Variants in NVL observed in about 807,000 individuals in gnomAD.
NVL encodes the protein nuclear VCP like.
A neutral mutation model predicts 110.2 loss-of-function variants in NVL; 84 were observed. The observed-to-expected ratio is 0.76, with a 90% CI of 0.64 to 0.91. The LOEUF is 0.91. Ranked by LOEUF, NVL falls within the 40% of genes least tolerant of loss-of-function variation. The pLI is 0.00. For synonymous variants in NVL, 354 were observed against 361.1 expected (o/e 0.98, Z 0.22); for missense variants, 882 against 1,035.9 (o/e 0.85, Z 2.04).
At chr1:224,231,181 A>G in intron 22 of NVL, 45 bp downstream of exon 22, 1 of 1,378,724 alleles carries the variant, frequency 7.3e-7, no homozygotes, top group Non-Finnish European at 1.0e-6. Flanking sequence ...CTACTGGTCT[A>G]AAATTCTAGT....
At chr1:224,233,068 T>C (rs1660071382) in intron 21 of NVL, 133 bp downstream of exon 21, 4 of 678,490 alleles carry the variant, frequency 5.9e-6, no homozygotes, top group Non-Finnish European at 9.7e-6. Flanking sequence ...TCAGAACAGC[T>C]TCTAACAGTC....
intron 18 of NVL, among the ~76,000 whole-genome samples, chr1:224,260,491 C>T (rs758252860): frequency 3.3e-5 from 5 of 151,776 alleles, no homozygotes; most frequent in Admixed American, 6.6e-5. Flanking sequence ...CTCCTAACCT[C>T]GTGATGTGTC....
chr1:224,325,332 G>A (rs1212618618), intron 2 of NVL, among the ~76,000 whole-genome samples: 1 of 151,818 alleles, frequency 6.6e-6, no homozygotes, highest in East Asian at 1.9e-4. Context: ...AGCACTTAGG[G>A]AGGCGAAGGT....
At chr1:224,275,991 T>C (rs1471731808) in intron 16 of NVL, among the ~76,000 whole-genome samples, 2 of 152,234 alleles carry the variant, frequency 1.3e-5, no homozygotes, top group Admixed American at 1.3e-4. Flanking sequence ...GCTTACTCTA[T>C]GTTGAAATCT....
rs914522208 is a variant in NVL at position 224,296,374 on chromosome 1, C to A, written c.1180+127G>T. ...GGATTACAGGCATGAGCCACTGTGC[C>A]CAGTATGACTTTTTTTTTACACTAT... On this transcript the variant is annotated intron_variant, in intron 11 of 22. Coordinates refer to ENST00000281701, the MANE Select transcript of NVL (RefSeq NM_002533.4). The A allele has an allele frequency of 1.5e-5, 8 of 536,430 alleles. No individual in the cohort carries two copies. In the African/African-American group the frequency reaches 1.5e-4, roughly 10 times the overall value. The allele number at this position is 536,430 out of a possible 1,614,324, so 33.2% of individuals were successfully genotyped here.
intron 2 of NVL, among the ~76,000 whole-genome samples, chr1:224,321,306 G>A (rs371262674): frequency 6.6e-6 from 1 of 152,106 alleles, no homozygotes; most frequent in Non-Finnish European, 1.5e-5. Flanking sequence ...ACGTAAAAGC[G>A]ATTCTTCACT....
chr1:224,308,205 G>A lies in NVL; in HGVS notation c.401C>T (p.Ser134Phe). Reference protein sequence around the residue: ...LSLYRKGNPDSVSNTPEMEQR... With the variant: ...LSLYRKGNPDFVSNTPEMEQR... Reference sequence around the variant, plus strand: ...CTCCATCTCAGGAGTATTTGAAACAGAATCAGGATTTCCTTTCCGATATAA... The same window carrying A: ...CTCCATCTCAGGAGTATTTGAAACAAAATCAGGATTTCCTTTCCGATATAA... The change falls in exon 6 of 23, where the codon TCT becomes TTT. Residue 134 changes from serine (S) to phenylalanine (F), a missense_variant. This residue lies in a region of NVL where 274 missense variants were observed against 268.4 expected (regional missense o/e 1.02). Coordinates refer to ENST00000281701, the MANE Select transcript of NVL (RefSeq NM_002533.4). The A allele has an allele frequency of 6.2e-7, 1 of 1,613,594 alleles. No homozygotes were observed. The highest frequency in any genetic ancestry group is 8.5e-7 in the Non-Finnish European group (1 of 1,179,870).
At position 224,308,015 on chromosome 1, in the gene NVL, AG is replaced by A. The variant is rs1572026158; in HGVS notation, c.590del (p.Pro197LeufsTer5). The A allele has an allele frequency of 2.6e-6, 4 of 1,541,100 alleles. No individual in the cohort carries two copies. In the East Asian group the frequency reaches 9.1e-5, roughly 35 times the overall value. ...FLDLSCEKSN[P>X]KKPITEIQDS... The stretch of plus-strand genomic sequence containing the variant: ...CCTGTATCTCAGTTATTGGCTTCTT[AG>A]GATTACTTTTCTCACATGACAGGTC... On this transcript the variant is annotated frameshift_variant, in exon 6 of 23. Transcript: ENST00000281701. LOFTEE classifies it high-confidence loss of function.
chr1:224,315,845 T>C (rs1670008024), intron 4 of NVL, among the ~76,000 whole-genome samples: 4 of 152,218 alleles, frequency 2.6e-5, no homozygotes, highest in Admixed American at 6.5e-5. Context: ...TAAATGTTCA[T>C]AGCAGCTTAA....
At chr1:224,318,905 C>T (rs1355123189) in intron 2 of NVL, among the ~76,000 whole-genome samples, 3 of 151,040 alleles carry the variant, frequency 2.0e-5, no homozygotes, top group African/African-American at 4.9e-5. Context: ...AACAGAATGG[C>T]GTGAACCCAG....
intron 2 of NVL, among the ~76,000 whole-genome samples, chr1:224,322,907 T>C (rs533750952): frequency 1.3e-5 from 2 of 152,008 alleles, no homozygotes; most frequent in East Asian, 1.9e-4. Context: ...TGAGCTGAGA[T>C]TGCGCCACTG....
At chr1:224,259,422 G>A (rs1663691044) in intron 18 of NVL, among the ~76,000 whole-genome samples, 2 of 152,042 alleles carry the variant, frequency 1.3e-5, no homozygotes, top group South Asian at 4.2e-4. Context: ...TAGATTGTTG[G>A]GATGGCTGTA....
At chr1:224,265,668 T>C (rs1233134013) in intron 18 of NVL, among the ~76,000 whole-genome samples, 1 of 152,144 alleles carries the variant, frequency 6.6e-6, no homozygotes, top group African/African-American at 2.4e-5. Context: ...AAAACAGTGT[T>C]GAGATGTGGG....
At chr1:224,311,885 A>C (rs750397126) in intron 4 of NVL, 28 bp from the exon 5 acceptor site, 1 of 1,563,160 alleles carries the variant, frequency 6.4e-7, no homozygotes, top group Non-Finnish European at 8.8e-7. Context: ...AAAATGTTTT[A>C]AAGACTTTCT....
rs1033358624 is a variant in NVL at position 224,276,042 on chromosome 1, G to C, written c.1963-584C>G. Among the ~76,000 whole-genome samples, 5 of 152,206 alleles carry C rather than the reference G, an allele frequency of 3.3e-5. 1 individual carries two copies. The East Asian group carries it at 9.7e-4, about 29-fold the overall frequency. On this transcript the variant is annotated intron_variant, in intron 16 of 22. Transcript: ENST00000281701. ...ACATTAAGATAAGTCAAGAAATATAGCAATTCACAAGCAACTATAACATTA... is the reference window on the plus strand; with the variant it reads ...ACATTAAGATAAGTCAAGAAATATACCAATTCACAAGCAACTATAACATTA...
In NVL at chr1:224,289,604, T is replaced by C; in HGVS notation, c.1455A>G (p.Ala485=). The C allele has an allele frequency of 6.2e-7, 1 of 1,614,270 alleles. No homozygotes were observed. Among genetic ancestry groups the C allele is most frequent in the Non-Finnish European group, 8.5e-7 (1 of 1,180,056 alleles). The change falls in exon 13 of 23, where the codon GCA becomes GCG. Residue 485 remains alanine (A), a synonymous_variant. Transcript: ENST00000281701. ...GTAGCTTCATTAAGACTCTATTGAC[T>C]GCACACATTGCTGCCTCTCGGCACA... ...MALCREAAMC[A]VNRVLMKLQE...
intron 18 of NVL, among the ~76,000 whole-genome samples, chr1:224,252,594 G>C (rs1662627494): frequency 6.6e-6 from 1 of 152,010 alleles, no homozygotes; most frequent in Admixed American, 6.6e-5. Flanking sequence ...CCACCTTATG[G>C]AACCCATATA....
chr1:224,290,978 A>T (rs1039184829), intron 12 of NVL, among the ~76,000 whole-genome samples: 19 of 152,066 alleles, frequency 1.2e-4, no homozygotes, highest in African/African-American at 3.4e-4. Context: ...CGAATAATTT[A>T]AAAAAAAGAT....
chr1:224,296,461 A>C (rs1392820184), intron 11 of NVL, 40 bp downstream of exon 11: 2 of 1,088,700 alleles, frequency 1.8e-6, no homozygotes, highest in Non-Finnish European at 1.3e-6. Flanking sequence ...TATTTTAAAA[A>C]ATTTATTCTC....
Sources: allele counts gnomAD v4.1 joint callset (sites outside exome capture counted in the v4.1 genomes callset), GRCh38; gene constraint gnomAD v4.1.1; regional missense constraint gnomAD v4.1.1; transcripts MANE v1.5; gene names NCBI Gene and HGNC (gene_info 2026-07-23, HGNC 2026-07-21).